KDM3B: variants seen among roughly 807,000 people sequenced by gnomAD.
KDM3B encodes the protein lysine-specific demethylase 3B.
Under a neutral mutation model 170.0 loss-of-function variants are expected in KDM3B, and 10 were observed. That is an observed-to-expected ratio of 0.06 (90% CI 0.04 to 0.10). The LOEUF (loss-of-function observed/expected upper bound fraction) is 0.10, where lower values mean the gene tolerates loss of function less well. KDM3B is among the 10% of genes least tolerant of loss of function. The pLI, the probability that KDM3B is intolerant of heterozygous loss-of-function variation, is 1.00. For synonymous variants in KDM3B, 831 were observed against 834.8 expected (o/e 1.00, Z 0.08); for missense variants, 1,394 against 2,195.2 (o/e 0.64, Z 7.29).
chr5:138,433,772 T>C (rs1237967153), intron 23 of KDM3B, among the ~76,000 whole-genome samples: 1 of 151,770 alleles, frequency 6.6e-6, no homozygotes, highest in Non-Finnish European at 1.5e-5. Context: ...GGAGTCCCGC[T>C]CCGTTGCCCA....
chr5:138,407,785 TC>T (rs1762860809), intron 11 of KDM3B, among the ~76,000 whole-genome samples: 1 of 152,088 alleles, frequency 6.6e-6, no homozygotes, highest in Admixed American at 6.6e-5. Flanking sequence ...TACCTGCTGT[TC>T]CCCACACAAC....
intron 1 of KDM3B, among the ~76,000 whole-genome samples, chr5:138,363,085 C>T (rs1761655523): frequency 6.6e-6 from 1 of 151,984 alleles, no homozygotes; most frequent in Non-Finnish European, 1.5e-5. Flanking sequence ...CTGTTTATTT[C>T]AATCACCTAA....
chr5:138,371,029 G>A (rs1055651956), intron 1 of KDM3B, among the ~76,000 whole-genome samples: 27 of 152,082 alleles, frequency 1.8e-4, no homozygotes, highest in African/African-American at 6.5e-4. Context: ...AGTTGGTCGT[G>A]AACTCCTGAC....
chr5:138,403,204 T>C (rs1234610010), intron 11 of KDM3B, among the ~76,000 whole-genome samples: 3 of 152,152 alleles, frequency 2.0e-5, no homozygotes, highest in African/African-American at 7.2e-5. Flanking sequence ...CCAAATACCC[T>C]TTAAAGGAAT....
Position 138,391,621 on chromosome 5 carries a change from TACCACTGTC to T in KDM3B, c.1993_2001del (p.Thr665_Thr667del). ...AGGCATCAGGTAGCTCCTCTTCTGCTACCACTGTCACCTCCAAGGTGGCACCCAGCTGGC... is the reference window on the plus strand; with the variant it reads ...AGGCATCAGGTAGCTCCTCTTCTGCTACCTCCAAGGTGGCACCCAGCTGGC... On this transcript the variant is annotated inframe_deletion, in exon 8 of 24. Coordinates refer to ENST00000314358, the MANE Select transcript of KDM3B (RefSeq NM_016604.4). The surrounding 1 kb of genome is among the most constrained non-coding windows in gnomAD (Gnocchi z 5.0). 1.2e-6 allele frequency: 2 copies of T among 1,614,188 alleles called. No individual in the cohort carries two copies. The highest frequency in any genetic ancestry group is 1.7e-6 in the Non-Finnish European group (2 of 1,180,042).
chr5:138,375,260 C>A (rs1761968516), intron 3 of KDM3B, 54 bp downstream of exon 3: 2 of 1,135,938 alleles, frequency 1.8e-6, no homozygotes, highest in African/African-American at 1.5e-5. Context: ...CTGCTAATTT[C>A]TTTGTTGATA....
intron 1 of KDM3B, among the ~76,000 whole-genome samples, chr5:138,368,643 A>C (rs2126918189): frequency 6.6e-6 from 1 of 152,318 alleles, no homozygotes; most frequent in African/African-American, 2.4e-5. Context: ...TCTTGGGGGA[A>C]TATGTTTACA....
At chr5:138,379,741 T>C (rs1762081767) in intron 5 of KDM3B, 33 bp downstream of exon 5, 3 of 1,590,956 alleles carry the variant, frequency 1.9e-6, no homozygotes, top group Non-Finnish European at 2.6e-6. Context: ...CTAAGGTCCA[T>C]CCATCCCCTT....
chr5:138,427,137 T>C, intron 18 of KDM3B, 52 bp from the exon 19 acceptor site: 1 of 1,607,610 alleles, frequency 6.2e-7, no homozygotes, highest in Non-Finnish European at 8.5e-7. Flanking sequence ...AATTTGTCTA[T>C]TGGCTTTCTT....
At chr5:138,364,330 A>C (rs1352011664) in intron 1 of KDM3B, among the ~76,000 whole-genome samples, 1 of 152,140 alleles carries the variant, frequency 6.6e-6, no homozygotes, top group Non-Finnish European at 1.5e-5. Context: ...ATAACGCAAA[A>C]GATAATAATA....
At chr5:138,433,759 G>T (rs1262235618) in intron 23 of KDM3B, among the ~76,000 whole-genome samples, 1 of 151,820 alleles carries the variant, frequency 6.6e-6, no homozygotes. Flanking sequence ...TGTTTATTGA[G>T]ATGGAGTCCC....
chr5:138,392,753 A>G (rs1762465070), intron 8 of KDM3B, among the ~76,000 whole-genome samples: 1 of 152,180 alleles, frequency 6.6e-6, no homozygotes, highest in African/African-American at 2.4e-5. Context: ...GTGTGGTGTG[A>G]GGTTATGGTC....
At position 138,352,787 on chromosome 5, in the gene KDM3B, G is replaced by A; in HGVS notation, c.-9G>A. The A allele has an allele frequency of 2.4e-6, 3 of 1,272,362 alleles. No homozygotes were observed. The highest frequency in any genetic ancestry group is 4.6e-5 in the South Asian group (2 of 43,948). The allele number at this position is 1,272,362 out of a possible 1,614,324, so 78.8% of individuals were successfully genotyped here. On this transcript the variant is annotated 5_prime_UTR_variant, in exon 1 of 24. Transcript: ENST00000314358. ...GCGGGCGGGAGCGCGGGTCAGGCCGGCCCCGGCGATGGCGGACGCGGCGGC... is the reference window on the plus strand; with the variant it reads ...GCGGGCGGGAGCGCGGGTCAGGCCGACCCCGGCGATGGCGGACGCGGCGGC...
chr5:138,424,188 C>A lies in KDM3B; in HGVS notation c.4086C>A (p.Thr1362=), dbSNP rs1181988158. The A allele has an allele frequency of 6.2e-7, 1 of 1,613,982 alleles. No individual in the cohort carries two copies. The highest frequency in any genetic ancestry group is 8.5e-7 in the Non-Finnish European group (1 of 1,179,934). The change falls in exon 16 of 24, where the codon ACC becomes ACA. Residue 1362 remains threonine (T), a synonymous_variant. Coordinates refer to ENST00000314358, the MANE Select transcript of KDM3B (RefSeq NM_016604.4). ...AGCGGGCCTGCAACTTGACTGATAC[C>A]CAGAAGGAAGTGAAGGAGATGGTGA... ...ASKRACNLTD[T]QKEVKEMVMG... is the part of the protein sequence containing the mutation.
intron 1 of KDM3B, among the ~76,000 whole-genome samples, chr5:138,368,315 C>T (rs1156612238): frequency 2.0e-5 from 3 of 151,020 alleles, no homozygotes; most frequent in African/African-American, 7.4e-5. Flanking sequence ...TCACTGCAGC[C>T]TTGAACTCCT....
chr5:138,394,153 G>A (rs376054496), intron 9 of KDM3B, among the ~76,000 whole-genome samples: 3 of 152,216 alleles, frequency 2.0e-5, no homozygotes, highest in Non-Finnish European at 2.9e-5. Flanking sequence ...TTGGGAGGCC[G>A]AAGCAGAAGG....
chr5:138,378,802 G>GAT (rs374288567), intron 4 of KDM3B, among the ~76,000 whole-genome samples: 49 of 143,186 alleles, frequency 3.4e-4, no homozygotes, highest in South Asian at 1.1e-3. Flanking sequence ...TATATATCAT[G>GAT]ATATATATAT....
rs1464939653 is a variant in KDM3B at position 138,430,364 on chromosome 5, G to A, written c.5009G>A (p.Gly1670Asp). 6.2e-7 allele frequency: 1 copy of A among 1,614,032 alleles called. No individual in the cohort carries two copies. The highest frequency in any genetic ancestry group is 1.3e-5 in the African/African-American group (1 of 74,910). ...CTCTATGAGGAGTATGGCGTGCAAGGCTGGGCTATTGTGCAGTTCCTAGGT... is the reference window on the plus strand; with the variant it reads ...CTCTATGAGGAGTATGGCGTGCAAGACTGGGCTATTGTGCAGTTCCTAGGT... Reference protein sequence around the residue: ...KRLYEEYGVQGWAIVQFLGDA... With the variant: ...KRLYEEYGVQDWAIVQFLGDA... The change falls in exon 22 of 24, where the codon GGC becomes GAC. Residue 1670 changes from glycine (G) to aspartate (D), a missense_variant. Coordinates refer to ENST00000314358, the MANE Select transcript of KDM3B (RefSeq NM_016604.4).
At chr5:138,371,107 G>A (rs999353304) in intron 1 of KDM3B, among the ~76,000 whole-genome samples, 2 of 152,016 alleles carry the variant, frequency 1.3e-5, no homozygotes, top group African/African-American at 4.8e-5. Flanking sequence ...GTGCCTGGCC[G>A]CATATGTAGC....
Sources: gnomAD v4.1 joint callset for allele counts (sites outside exome capture counted in the v4.1 genomes callset) on GRCh38, gnomAD v4.1.1 for gene constraint, Gnocchi (gnomAD v3.1) non-coding constraint, MANE v1.5 for transcripts, NCBI Gene and HGNC (gene_info 2026-07-23, HGNC 2026-07-21) for gene names.